SMYD3: variants seen among roughly 807,000 people sequenced by gnomAD.
The protein encoded by SMYD3 is SET and MYND domain containing 3.
A neutral mutation model predicts 57.7 loss-of-function variants in SMYD3; 36 were observed. That is an observed-to-expected ratio of 0.62 (90% confidence interval 0.48 to 0.82). The LOEUF (loss-of-function observed/expected upper bound fraction) is 0.82, where lower values mean the gene tolerates loss of function less well. SMYD3 is among the 40% of genes least tolerant of loss of function. SMYD3 has a pLI of 0.00. For synonymous variants in SMYD3, 211 were observed against 195.0 expected, an observed-to-expected ratio of 1.08 and a Z score of -0.68; for missense variants, 515 against 538.8, an observed-to-expected ratio of 0.96 and a Z score of 0.44.
At chr1:246,022,482 T>C (rs1040072466) in intron 5 of SMYD3, among the ~76,000 whole-genome samples, 20 of 152,182 alleles carry the variant, frequency 1.3e-4, no homozygotes, top group African/African-American at 4.3e-4. Context: ...CTGAGGCAAC[T>C]TACATAACCT....
intron 2 of SMYD3, among the ~76,000 whole-genome samples, chr1:246,341,838 T>C (rs560935829): frequency 2.6e-5 from 4 of 152,306 alleles, no homozygotes; most frequent in African/African-American, 9.6e-5. Flanking sequence ...ATATCCATTT[T>C]AGGGTAGCTC....
chr1:245,937,283 C>G (rs1466098935), intron 5 of SMYD3, among the ~76,000 whole-genome samples: 2 of 152,230 alleles, frequency 1.3e-5, no homozygotes, highest in Admixed American at 1.3e-4. Context: ...TATTTTATCT[C>G]TCTCCCACAG....
At chr1:245,837,119 G>C (rs1469522010) in intron 10 of SMYD3, among the ~76,000 whole-genome samples, 2 of 151,986 alleles carry the variant, frequency 1.3e-5, no homozygotes, top group African/African-American at 4.8e-5. Flanking sequence ...CTGAGGTCAG[G>C]AGTTCGAGAC....
At chr1:245,963,880 G>A (rs2058072927) in intron 5 of SMYD3, among the ~76,000 whole-genome samples, 1 of 152,106 alleles carries the variant, frequency 6.6e-6, no homozygotes, top group South Asian at 2.1e-4. Flanking sequence ...CACAGTCCAG[G>A]GTCATGGGCT....
At chr1:245,842,545 C>G (rs986670563) in intron 10 of SMYD3, among the ~76,000 whole-genome samples, 1 of 152,114 alleles carries the variant, frequency 6.6e-6, no homozygotes, top group Non-Finnish European at 1.5e-5. Flanking sequence ...CCCTGGGGAA[C>G]AGCAAGCCGA....
intron 10 of SMYD3, among the ~76,000 whole-genome samples, chr1:245,787,627 T>TTA (rs2047100005): frequency 6.8e-6 from 1 of 146,288 alleles, no homozygotes; most frequent in Admixed American, 6.8e-5. Flanking sequence ...ATCAGGGTGT[T>TTA]AAAAAAAAAA....
chr1:246,082,029 C>G (rs182737618), intron 5 of SMYD3, among the ~76,000 whole-genome samples: 12 of 152,306 alleles, frequency 7.9e-5, no homozygotes, highest in African/African-American at 2.6e-4. Flanking sequence ...GCGTGACTAA[C>G]TTTATCTTGC....
Position 246,335,434 on chromosome 1 carries a change from A to C in SMYD3, c.269T>G (p.Leu90Arg), listed in dbSNP as rs779762410. ...WPDHKRECKC[L>R]KSCKPRYPPD... ...AGGATATCTGGGTTTGCAGCTTTTA[A>C]GGCATTTGCATTCCCGCTTGTGGTC... The change falls in exon 3 of 12, where the codon CTT becomes CGT. Residue 90 changes from leucine (L) to arginine (R), a missense_variant. Physicochemically the swap from Leu to Arg is moderately radical, Grantham distance 102. Coordinates refer to ENST00000490107, the MANE Select transcript of SMYD3 (RefSeq NM_001167740.2). 1 of 1,614,186 alleles carries C rather than the reference A, an allele frequency of 6.2e-7. No individual in the cohort carries two copies. The highest frequency in any genetic ancestry group is 8.5e-7 in the Non-Finnish European group (1 of 1,180,024).
chr1:245,947,447 A>C, intron 5 of SMYD3: 1 of 456,938 alleles, frequency 2.2e-6, no homozygotes, highest in Non-Finnish European at 4.4e-6. Flanking sequence ...TGTTTTGTGA[A>C]TGCCTTCTGC....
intron 5 of SMYD3, among the ~76,000 whole-genome samples, chr1:246,091,229 G>A (rs149306809): frequency 2.4e-4 from 37 of 152,276 alleles, no homozygotes; most frequent in African/African-American, 8.9e-4. Context: ...GAAGGACTTA[G>A]CCATCGCTTG....
chr1:246,461,385 C>T (rs548960238), intron 1 of SMYD3, among the ~76,000 whole-genome samples: 2 of 152,126 alleles, frequency 1.3e-5, no homozygotes, highest in Non-Finnish European at 2.9e-5. Context: ...TCATAAAATA[C>T]TTCCAAATTA....
chr1:246,035,703 C>A (rs1252969256), intron 5 of SMYD3: 3 of 152,168 alleles, frequency 2.0e-5, no homozygotes, highest in African/African-American at 7.2e-5. Context: ...AAAGCAATTA[C>A]GGCTGAAAAT....
intron 1 of SMYD3, among the ~76,000 whole-genome samples, chr1:246,378,678 C>CAT (rs1333933784): frequency 8.9e-6 from 1 of 112,578 alleles, no homozygotes; most frequent in East Asian, 2.1e-4. Context: ...TATATATACA[C>CAT]ATATATATAC....
intron 10 of SMYD3, among the ~76,000 whole-genome samples, chr1:245,765,818 C>T (rs1259557266): frequency 6.6e-6 from 1 of 152,138 alleles, no homozygotes; most frequent in South Asian, 2.1e-4. Flanking sequence ...TCACGCAGGG[C>T]CTGCCATGTG....
chr1:246,170,914 C>G (rs530913978), intron 5 of SMYD3, among the ~76,000 whole-genome samples: 2 of 152,202 alleles, frequency 1.3e-5, no homozygotes, highest in Non-Finnish European at 2.9e-5. Flanking sequence ...TTTGCAAAAC[C>G]TTTCAGTTTT....
At chr1:246,437,387 T>C (rs2067396488) in intron 1 of SMYD3, among the ~76,000 whole-genome samples, 3 of 152,228 alleles carry the variant, frequency 2.0e-5, no homozygotes, top group Admixed American at 2.0e-4. Context: ...TTAACTATTC[T>C]AGCTGAATGC....
Position 245,859,943 on chromosome 1 carries a change from T to A in SMYD3, c.902-1273A>T, listed in dbSNP as rs12025923. Among the ~76,000 whole-genome samples, 144 of 152,340 alleles carry A rather than the reference T, an allele frequency of 9.5e-4. 1 individual carries two copies. In the East Asian group the frequency reaches 0.021, roughly 22 times the overall value. ...ACGTAAGAATGAGTAATATATTGTATGTAAAATGACACAGTTCATGATGTG... is the reference window on the plus strand; with the variant it reads ...ACGTAAGAATGAGTAATATATTGTAAGTAAAATGACACAGTTCATGATGTG... On this transcript the variant is annotated intron_variant, in intron 9 of 11. Transcript: ENST00000490107.
At chr1:246,236,666 G>A (rs867001885) in intron 5 of SMYD3, among the ~76,000 whole-genome samples, 6 of 151,806 alleles carry the variant, frequency 4.0e-5, no homozygotes, top group African/African-American at 7.3e-5. Flanking sequence ...CACCCACCTC[G>A]GCCTCCCAAA....
chr1:245,925,332 T>G (rs1234520126), intron 7 of SMYD3, among the ~76,000 whole-genome samples: 1 of 152,208 alleles, frequency 6.6e-6, no homozygotes, highest in Non-Finnish European at 1.5e-5. Context: ...TATTTACCAT[T>G]TTTGTATGTT....
Sources: gnomAD v4.1 joint callset for allele counts (sites outside exome capture counted in the v4.1 genomes callset) on GRCh38, gnomAD v4.1.1 for gene constraint, MANE v1.5 for transcripts, NCBI Gene and HGNC (gene_info 2026-07-23, HGNC 2026-07-21) for gene names.